The following TECPR2 variants were observed in gnomAD, a reference collection of about 807,000 sequenced individuals.
TECPR2 encodes the protein tectonin beta-propeller repeat-containing protein 2.
TECPR2 carries 65 observed loss-of-function variants against 138.1 expected under a neutral mutation model. The observed-to-expected ratio is 0.47, with a 90% CI of 0.39 to 0.58. The LOEUF is 0.58. TECPR2 is among the 20% of genes least tolerant of loss of function. The pLI, the probability that TECPR2 is intolerant of heterozygous loss-of-function variation, is 0.00. For missense variants in TECPR2, 1,553 were observed against 1,824.5 expected, an observed-to-expected ratio of 0.85 and a Z score of 2.71; for synonymous variants, 746 against 749.8, an observed-to-expected ratio of 0.99 and a Z score of 0.08.
intron 2 of TECPR2, among the ~76,000 whole-genome samples, chr14:102,387,663 A>C (rs1888047192): frequency 6.6e-6 from 1 of 151,972 alleles, no homozygotes; most frequent in African/African-American, 2.4e-5. Context: ...AGTAGCTGGG[A>C]CCACAGGTGC....
chr14:102,400,051 T>C (rs1488020970), intron 2 of TECPR2, among the ~76,000 whole-genome samples: 4 of 149,552 alleles, frequency 2.7e-5, no homozygotes, highest in African/African-American at 9.7e-5. Flanking sequence ...TTCTTTTCTT[T>C]TTTTTTTTTT....
intron 2 of TECPR2, among the ~76,000 whole-genome samples, chr14:102,393,504 A>G (rs1353888534): frequency 1.3e-5 from 2 of 152,214 alleles, no homozygotes; most frequent in Admixed American, 6.5e-5. Context: ...CAAAGCACAC[A>G]TACAAGCACT....
rs376101310 is a variant in TECPR2 at position 102,434,447 on chromosome 14, C to G, written c.1630C>G (p.Pro544Ala). Residue 544 changes from proline (P) to alanine (A), a missense_variant, in exon 9 of 20, where the codon CCC becomes GCC. Coordinates refer to ENST00000359520, the MANE Select transcript of TECPR2 (RefSeq NM_014844.5). ...CGGTGTCCCACAGGAAAATACTGAC[C>G]CCGAAACGTTTAATGTCCTGGAGGT... is the stretch of plus-strand genomic sequence containing the variant. ...VNGVPQENTD[P>A]ETFNVLEVSG... 1 of 1,538,334 alleles carries G rather than the reference C, an allele frequency of 6.5e-7. No homozygotes were observed. Among genetic ancestry groups the G allele is most frequent in the South Asian group, 1.3e-5 (1 of 78,284 alleles).
rs141194311 is a variant in TECPR2, at chr14:102,452,741, G to C, written c.3640+114G>C. On this transcript the variant is annotated intron_variant, in intron 16 of 19. Coordinates refer to ENST00000359520, the MANE Select transcript of TECPR2 (RefSeq NM_014844.5). ...GTGTCCAACCTGTGAGAGTTCTGAG[G>C]GGGTGTTTATAAGCTGCTGAATTTC... 9.4e-4 allele frequency: 760 copies of C among 811,556 alleles called. 5 individuals carry two copies. In the African/African-American group the frequency reaches 0.011, roughly 12 times the overall value. The allele number at this position is 811,556 out of a possible 1,614,324, so 50.3% of individuals were successfully genotyped here. A position where few individuals can be genotyped will look rare whatever the true frequency, so the allele number is the denominator to read the frequency against.
intron 2 of TECPR2, among the ~76,000 whole-genome samples, chr14:102,391,362 A>C (rs935239185): frequency 6.6e-6 from 1 of 152,120 alleles, no homozygotes; most frequent in African/African-American, 2.4e-5. Context: ...GCCAGGCCTA[A>C]AACTATGGTT....
chr14:102,443,922 G>A lies in TECPR2; in HGVS notation c.2933+95G>A. 7.8e-7 allele frequency: 1 copy of A among 1,280,466 alleles called. No homozygotes were observed. Among genetic ancestry groups the A allele is most frequent in the East Asian group, 2.6e-5 (1 of 38,910 alleles). The allele number at this position is 1,280,466 out of a possible 1,614,324, so 79.3% of individuals were successfully genotyped here. On this transcript the variant is annotated intron_variant, in intron 12 of 19. Coordinates refer to ENST00000359520, the MANE Select transcript of TECPR2 (RefSeq NM_014844.5). This position sits in a 1 kb window ranked among gnomAD's most constrained non-coding sequence, Gnocchi z 4.9. Reference sequence around the variant, plus strand: ...ACAAGGCACCATGAGGCCGTTCCTGGGAGGCAGCACCTGCAGCCTCCATGG... The same window carrying A: ...ACAAGGCACCATGAGGCCGTTCCTGAGAGGCAGCACCTGCAGCCTCCATGG...
chr14:102,364,870 G>A (rs1887302232), intron 1 of TECPR2, among the ~76,000 whole-genome samples: 1 of 152,154 alleles, frequency 6.6e-6, no homozygotes, highest in African/African-American at 2.4e-5. Context: ...GATCAGGAAA[G>A]GGTTATAATG....
At chr14:102,373,189 T>G (rs56771322) in intron 1 of TECPR2, among the ~76,000 whole-genome samples, 13,566 of 143,172 alleles carry the variant, frequency 0.095, 766 homozygotes, top group African/African-American at 0.2. Flanking sequence ...TTCATGTTTG[T>G]TTTTTTTTTC....
At chr14:102,463,031 G>A (rs975471096) in intron 16 of TECPR2, among the ~76,000 whole-genome samples, 2 of 152,212 alleles carry the variant, frequency 1.3e-5, no homozygotes, top group Non-Finnish European at 2.9e-5. Context: ...AATGGCTGCC[G>A]TGGAAAAGGT....
intron 4 of TECPR2, among the ~76,000 whole-genome samples, chr14:102,411,648 T>C (rs779367751): frequency 5.7e-5 from 8 of 139,388 alleles, no homozygotes; most frequent in Non-Finnish European, 1.2e-4. Context: ...GCTGACTCTC[T>C]TTTCGGACTC....
chr14:102,381,935 G>A (rs1350140762), intron 2 of TECPR2, among the ~76,000 whole-genome samples: 1 of 152,174 alleles, frequency 6.6e-6, no homozygotes, highest in Non-Finnish European at 1.5e-5. Context: ...GGGAGAGTAA[G>A]GTATCCTATA....
chr14:102,497,597 G>A lies in TECPR2; in HGVS notation c.3959G>A (p.Ser1320Asn), dbSNP rs1252709865. 2.5e-6 allele frequency: 4 copies of A among 1,607,418 alleles called. No homozygotes were observed. Among genetic ancestry groups the A allele is most frequent in the East Asian group, 4.5e-5 (2 of 44,554 alleles). ...PGLQACQLAL[S>N]TRTVWARCPN... ...TTGCAGGCCTGCCAGCTGGCGCTGA[G>A]CACCAGGACCGTGTGGGCCCGCTGT... The change falls in exon 19 of 20, where the codon AGC (serine) becomes AAC (asparagine). Residue 1320 changes from serine (S) to asparagine (N), a missense_variant. Ser to Asn is a conservative substitution (Grantham distance 46). Transcript: ENST00000359520.
At chr14:102,442,815 A>G (rs1889869980) in intron 11 of TECPR2, among the ~76,000 whole-genome samples, 1 of 152,186 alleles carries the variant, frequency 6.6e-6, no homozygotes, top group South Asian at 2.1e-4. Flanking sequence ...TTGCAGGCCT[A>G]AGGTCAAGGA....
At chr14:102,450,793 C>G in intron 15 of TECPR2, 144 bp downstream of exon 15, 1 of 780,172 alleles carries the variant, frequency 1.3e-6, no homozygotes, top group South Asian at 1.7e-5. Context: ...GCCAGTAGCC[C>G]TTGTTAGCTG....
chr14:102,434,934 C>T lies in TECPR2; in HGVS notation c.2117C>T (p.Thr706Ile). The part of the protein sequence containing the change: ...NLWHAVTDDD[T>I]GQKEIPISER... ...TGGCATGCTGTCACTGATGATGACA[C>T]AGGTCAGAAAGAAATACCCATTTCT... The change falls in exon 9 of 20, where the codon ACA becomes ATA. Residue 706 changes from threonine (T) to isoleucine (I), a missense_variant. Thr to Ile is a moderately conservative substitution (Grantham distance 89). Transcript: ENST00000359520. The T allele has an allele frequency of 6.2e-7, 1 of 1,613,942 alleles. No individual in the cohort carries two copies. The highest frequency in any genetic ancestry group is 2.2e-5 in the East Asian group (1 of 44,884).
chr14:102,434,730 C>T lies in TECPR2; in HGVS notation c.1913C>T (p.Thr638Ile). Residue 638 changes from threonine to isoleucine, a missense_variant, in exon 9 of 20, where the codon ACT (threonine) becomes ATT (isoleucine). Thr to Ile is a moderately conservative substitution (Grantham distance 89, BLOSUM62 -1). Coordinates refer to ENST00000359520, the MANE Select transcript of TECPR2 (RefSeq NM_014844.5). Reference sequence around the variant, plus strand: ...ATCCAACCCATTGGCCCCCAAAGCACTTTTTGTGAAGTCCCCCTCCTGAAC... The same window carrying T: ...ATCCAACCCATTGGCCCCCAAAGCATTTTTTGTGAAGTCCCCCTCCTGAAC... ...EDIQPIGPQSTFCEVPLLNSL... is the reference protein window; with the variant it reads ...EDIQPIGPQSIFCEVPLLNSL... 2 of 1,613,770 alleles carry T rather than the reference C, an allele frequency of 1.2e-6. No individual in the cohort carries two copies. Among genetic ancestry groups the T allele is most frequent in the Non-Finnish European group, 1.7e-6 (2 of 1,180,038 alleles).
chr14:102,373,898 G>A (rs1887571271), intron 1 of TECPR2, among the ~76,000 whole-genome samples: 1 of 151,700 alleles, frequency 6.6e-6, no homozygotes, highest in Non-Finnish European at 1.5e-5. Context: ...GGCCAATATG[G>A]GGAAACCCCC....
Position 102,498,196 on chromosome 14 carries a change from A to T in TECPR2, c.4175A>T (p.Lys1392Met). 1.2e-6 allele frequency: 2 copies of T among 1,609,972 alleles called. No individual in the cohort carries two copies. The highest frequency in any genetic ancestry group is 1.7e-6 in the Non-Finnish European group (2 of 1,179,998). ...KTFSHSHGTQ[K>M]SSQAAMPHPE... is the part of the protein sequence containing the mutation. ...TTCAGCCACTCGCACGGCACCCAGA[A>T]GAGCAGCCAGGCCGCCATGCCCCAC... is the stretch of plus-strand genomic sequence containing the variant. The change falls in exon 20 of 20, where the codon AAG becomes ATG. Residue 1392 changes from lysine (K) to methionine (M), a missense_variant. Lys to Met is a moderately conservative substitution (Grantham distance 95). Transcript: ENST00000359520.
chr14:102,404,221 G>A (rs942241459), intron 2 of TECPR2, among the ~76,000 whole-genome samples: 1 of 152,016 alleles, frequency 6.6e-6, no homozygotes, highest in Non-Finnish European at 1.5e-5. Context: ...ATATTGTTAA[G>A]CTGTCCATAC....
Sources: gnomAD v4.1 joint callset for allele counts (sites outside exome capture counted in the v4.1 genomes callset) on GRCh38, gnomAD v4.1.1 for gene constraint, Gnocchi (gnomAD v3.1) non-coding constraint, MANE v1.5 for transcripts, NCBI Gene and HGNC (gene_info 2026-07-23, HGNC 2026-07-21) for gene names.